SLC10A7: variants seen among roughly 807,000 people sequenced by gnomAD.
SLC10A7 encodes the protein sodium/bile acid cotransporter 7.
In SLC10A7, 29 loss-of-function variants were observed where a neutral mutation model predicts 43.2. The ratio of observed to expected loss-of-function variants is 0.67; its 90% confidence interval spans 0.50 to 0.92. The LOEUF is 0.92. SLC10A7 is among the 40% of genes least tolerant of loss of function. SLC10A7 has a pLI of 0.00. For synonymous variants in SLC10A7, 152 were observed against 144.8 expected (o/e 1.05, Z -0.35); for missense variants, 295 against 403.2 (o/e 0.73, Z 2.30).
chr4:146,468,780 C>G (rs1733290307), intron 4 of SLC10A7, among the ~76,000 whole-genome samples: 2 of 152,088 alleles, frequency 1.3e-5, no homozygotes, highest in Admixed American at 6.6e-5. Context: ...TTTTAAAATA[C>G]AGTGTTTAAT....
chr4:146,399,522 GCA>G (rs3054668), intron 5 of SLC10A7, among the ~76,000 whole-genome samples: 82,839 of 151,732 alleles, frequency 0.55, 23,156 homozygotes, highest in East Asian at 0.78. Flanking sequence ...AATAATTACA[GCA>G]CAACAGGCAT....
At chr4:146,493,457 G>C (rs1735627221) in intron 4 of SLC10A7, among the ~76,000 whole-genome samples, 1 of 151,182 alleles carries the variant, frequency 6.6e-6, no homozygotes, top group Non-Finnish European at 1.5e-5. Context: ...TTGCACTCCA[G>C]CCTGGGCAAC....
chr4:146,297,787 CAAAATA>C (rs1209116367), intron 7 of SLC10A7, among the ~76,000 whole-genome samples: 1 of 151,924 alleles, frequency 6.6e-6, no homozygotes, highest in Non-Finnish European at 1.5e-5. Context: ...TGAGTAGATT[CAAAATA>C]AAACACTTGG....
intron 5 of SLC10A7, among the ~76,000 whole-genome samples, chr4:146,433,496 G>C (rs1729952917): frequency 6.6e-6 from 1 of 151,946 alleles, no homozygotes; most frequent in African/African-American, 2.4e-5. Flanking sequence ...GTTTGCTAAA[G>C]CTTTTTTAGA....
intron 10 of SLC10A7, among the ~76,000 whole-genome samples, chr4:146,277,346 A>G (rs1729273200): frequency 6.6e-6 from 1 of 152,188 alleles, no homozygotes; most frequent in South Asian, 2.1e-4. Flanking sequence ...AAGTCTAGAT[A>G]TGCTAGCAAT....
chr4:146,372,180 G>A (rs774126555), intron 5 of SLC10A7, among the ~76,000 whole-genome samples: 3 of 152,132 alleles, frequency 2.0e-5, no homozygotes, highest in Non-Finnish European at 4.4e-5. Flanking sequence ...CTGGCTGGGT[G>A]CAGTAGCTTT....
In SLC10A7 at chr4:146,411,260, C is replaced by CA. The variant is rs1289245705; in HGVS notation, c.435+31522dup. Among the ~76,000 whole-genome samples, 10 of 152,236 alleles carry CA rather than the reference C, an allele frequency of 6.6e-5. No individual in the cohort carries two copies. In the East Asian group the frequency reaches 1.5e-3, roughly 23 times the overall value. On this transcript the variant is annotated intron_variant, in intron 5 of 11. Coordinates refer to ENST00000335472, the MANE Select transcript of SLC10A7 (RefSeq NM_001029998.6). The stretch of plus-strand genomic sequence containing the variant: ...ATTTTTATACTCATGTCAACCTCTA[C>CA]AGACCACCGTGGTGCCCTATAGCAA...
At position 146,306,024 on chromosome 4, in the gene SLC10A7, A is replaced by G. The variant is rs777522014; in HGVS notation, c.472-15T>C. The G allele has an allele frequency of 6.3e-7, 1 of 1,581,276 alleles. No homozygotes were observed. Reference sequence around the variant, plus strand: ...GATGAACCAAGCTGTAAAACAAGAAAATAGGAGTTAGAATTACTTCAAATC... The same window carrying G: ...GATGAACCAAGCTGTAAAACAAGAAGATAGGAGTTAGAATTACTTCAAATC... On this transcript the variant is annotated splice_polypyrimidine_tract_variant and intron_variant, in intron 6 of 11. Coordinates refer to ENST00000335472, the MANE Select transcript of SLC10A7 (RefSeq NM_001029998.6).
chr4:146,262,412 G>A (rs1184251085), intron 10 of SLC10A7, among the ~76,000 whole-genome samples: 2 of 152,224 alleles, frequency 1.3e-5, no homozygotes, highest in African/African-American at 4.8e-5. Flanking sequence ...ATTGTTGAGA[G>A]AGGTTGAGAA....
intron 4 of SLC10A7, among the ~76,000 whole-genome samples, chr4:146,457,983 G>A (rs984173223): frequency 3.3e-5 from 5 of 151,546 alleles, no homozygotes; most frequent in African/African-American, 1.2e-4. Context: ...ATCATTTTAC[G>A]AGACCAGCAC....
Position 146,255,797 on chromosome 4 carries a change from CAG to C in SLC10A7, c.*692_*693del, listed in dbSNP as rs1298723778. 1 of 152,176 alleles carries C rather than the reference CAG, an allele frequency of 6.6e-6. No homozygotes were observed. The highest frequency in any genetic ancestry group is 1.5e-5 in the Non-Finnish European group (1 of 68,030). 9.4% of individuals were successfully genotyped at this position (152,176 alleles called of 1,614,324 possible). ...TTTAAAGACCCTGAAAATCAAATCA[CAG>C]AGTTTAACTCAAAATTTCACATGAT... On this transcript the variant is annotated 3_prime_UTR_variant, in exon 12 of 12. Transcript: ENST00000335472.
rs1036016 is a variant in SLC10A7, at chr4:146,255,451, C to T, written c.*1040G>A. ...TCATGAAAGCAATATGATTTAACTTCTAAAAAAATATTGCCAACATTTGTC... is the reference window on the plus strand; with the variant it reads ...TCATGAAAGCAATATGATTTAACTTTTAAAAAAATATTGCCAACATTTGTC... On this transcript the variant is annotated 3_prime_UTR_variant, in exon 12 of 12. Transcript: ENST00000335472. 133,951 of 152,710 alleles carry T rather than the reference C, an allele frequency of 0.88. 59,104 individuals are homozygous for T. The highest frequency in any genetic ancestry group is 0.97 in the African/African-American group (40,179 of 41,558). The allele number at this position is 152,710 out of a possible 1,614,324, so 9.5% of individuals were successfully genotyped here. A position where few individuals can be genotyped will look rare whatever the true frequency, so the allele number is the denominator to read the frequency against.
At chr4:146,270,433 G>C (rs757914723) in intron 10 of SLC10A7, among the ~76,000 whole-genome samples, 1 of 152,122 alleles carries the variant, frequency 6.6e-6, no homozygotes, top group Non-Finnish European at 1.5e-5. Context: ...ATTCTTTTTG[G>C]AACCTAGTAG....
intron 1 of SLC10A7, among the ~76,000 whole-genome samples, chr4:146,519,366 C>T (rs542616668): frequency 1.4e-5 from 2 of 145,184 alleles, no homozygotes; most frequent in African/African-American, 5.1e-5. Context: ...GAGAGATGAC[C>T]TACTATGTCT....
In SLC10A7 at chr4:146,517,435, C is replaced by A. The variant is rs562218630; in HGVS notation, c.101-315G>T. On this transcript the variant is annotated intron_variant, in intron 1 of 11. Transcript: ENST00000335472. ...CTGAGATCACGCCATTGCACTCCAGCCTGGGCAACAAAGCAAGACTCTGTC... is the reference window on the plus strand; with the variant it reads ...CTGAGATCACGCCATTGCACTCCAGACTGGGCAACAAAGCAAGACTCTGTC... Among the ~76,000 whole-genome samples, 6 of 152,076 alleles carry A rather than the reference C, an allele frequency of 3.9e-5. No homozygotes were observed. In the East Asian group the frequency reaches 1.2e-3, roughly 29 times the overall value.
At chr4:146,262,563 T>C (rs533294645) in intron 10 of SLC10A7, among the ~76,000 whole-genome samples, 2 of 152,348 alleles carry the variant, frequency 1.3e-5, no homozygotes, top group African/African-American at 4.8e-5. Context: ...ACCACTCTTT[T>C]GTCCTCATCA....
At chr4:146,279,154 C>A (rs938865323) in intron 10 of SLC10A7, among the ~76,000 whole-genome samples, 16 of 152,102 alleles carry the variant, frequency 1.1e-4, no homozygotes, top group Admixed American at 5.9e-4. Flanking sequence ...CCATTGACTG[C>A]TAATAGTCAG....
At chr4:146,513,332 T>G (rs966713267) in intron 2 of SLC10A7, among the ~76,000 whole-genome samples, 1 of 152,116 alleles carries the variant, frequency 6.6e-6, no homozygotes, top group Admixed American at 6.5e-5. Flanking sequence ...CATGTGTGTA[T>G]GTGTATAGAT....
At chr4:146,299,897 A>T (rs1031479118) in intron 7 of SLC10A7, among the ~76,000 whole-genome samples, 3 of 152,076 alleles carry the variant, frequency 2.0e-5, no homozygotes, top group African/African-American at 7.2e-5. Flanking sequence ...AAGCAGGTAA[A>T]ATGGAGAGGT....
Sources: allele counts gnomAD v4.1 joint callset (sites outside exome capture counted in the v4.1 genomes callset), GRCh38; gene constraint gnomAD v4.1.1; transcripts MANE v1.5; gene names NCBI Gene and HGNC (gene_info 2026-07-23, HGNC 2026-07-21).